Variants in MRPS28 observed in about 807,000 individuals in gnomAD.
MRPS28 encodes mitochondrial ribosomal protein S28.
A neutral mutation model predicts 10.8 loss-of-function variants in MRPS28; 7 were observed. The ratio of observed to expected loss-of-function variants is 0.65; its 90% CI spans 0.37 to 1.22. The LOEUF is 1.22. Ranked by LOEUF, MRPS28 falls within the 50% of genes most tolerant of loss-of-function variation. MRPS28 has a pLI of 0.02. For missense variants in MRPS28, 265 were observed against 232.9 expected, an observed-to-expected ratio of 1.14 and a Z score of -0.90; for synonymous variants, 121 against 93.3, an observed-to-expected ratio of 1.30 and a Z score of -1.71.
chr8:79,993,668 C>A (rs1475882279), intron 2 of MRPS28, among the ~76,000 whole-genome samples: 1 of 152,138 alleles, frequency 6.6e-6, no homozygotes, highest in Non-Finnish European at 1.5e-5. Context: ...CTGAAGAGAT[C>A]TGTTAAAGAA....
intron 2 of MRPS28, among the ~76,000 whole-genome samples, chr8:79,978,337 A>AT (rs33952224): frequency 6.6e-6 from 1 of 151,362 alleles, no homozygotes; most frequent in Non-Finnish European, 1.5e-5. Context: ...TGACAGTTGT[A>AT]TTTTTTTTTT....
chr8:79,942,380 CTCAAGATGGCTGTT>C (rs1416603435), intron 2 of MRPS28, among the ~76,000 whole-genome samples: 1 of 152,108 alleles, frequency 6.6e-6, no homozygotes, highest in African/African-American at 2.4e-5. Flanking sequence ...TTATATCTAC[CTCAAGATGGCTGTT>C]TCAAGAACTA....
intron 2 of MRPS28, among the ~76,000 whole-genome samples, chr8:79,977,342 A>C (rs1168684636): frequency 6.6e-6 from 1 of 152,166 alleles, no homozygotes; most frequent in African/African-American, 2.4e-5. Flanking sequence ...AATAATAATA[A>C]CAGAAATATC....
chr8:80,012,945 C>T (rs1809093577), intron 1 of MRPS28, among the ~76,000 whole-genome samples: 1 of 152,162 alleles, frequency 6.6e-6, no homozygotes, highest in African/African-American at 2.4e-5. Context: ...ATCCAACTAC[C>T]TCAAGTTTTA....
At chr8:79,925,919 C>T (rs1394927606) in intron 2 of MRPS28, among the ~76,000 whole-genome samples, 1 of 149,380 alleles carries the variant, frequency 6.7e-6, no homozygotes, top group East Asian at 2.0e-4. Flanking sequence ...CCTGGCTGGT[C>T]GAGGCTATAG....
chr8:79,939,381 T>TA (rs1806696386), intron 2 of MRPS28, among the ~76,000 whole-genome samples: 1 of 152,174 alleles, frequency 6.6e-6, no homozygotes, highest in African/African-American at 2.4e-5. Context: ...TACACCTAGT[T>TA]AGTGTTGCCT....
At chr8:79,996,077 G>C (rs1027459149) in intron 2 of MRPS28, among the ~76,000 whole-genome samples, 1 of 151,930 alleles carries the variant, frequency 6.6e-6, no homozygotes, top group Admixed American at 6.6e-5. Context: ...ACAAAAAAAG[G>C]TTCAACTATT....
intron 2 of MRPS28, among the ~76,000 whole-genome samples, chr8:79,921,634 T>C (rs1315978970): frequency 7.2e-5 from 11 of 152,308 alleles, no homozygotes; most frequent in Non-Finnish European, 7.4e-5. Flanking sequence ...ATTGATTTTG[T>C]ATCCTGAGAC....
chr8:79,998,369 C>T (rs1808565505), intron 2 of MRPS28, among the ~76,000 whole-genome samples: 2 of 152,094 alleles, frequency 1.3e-5, no homozygotes, highest in African/African-American at 4.8e-5. Flanking sequence ...ATAATTATAA[C>T]TTTTGAGGCT....
chr8:80,004,558 A>T (rs997183085), intron 1 of MRPS28, among the ~76,000 whole-genome samples: 9 of 152,336 alleles, frequency 5.9e-5, no homozygotes, highest in Middle Eastern at 6.8e-3. Flanking sequence ...GAAAAGCTGA[A>T]AATTCTAAAA....
intron 2 of MRPS28, among the ~76,000 whole-genome samples, chr8:79,940,836 C>T (rs1041884643): frequency 1.3e-5 from 2 of 152,174 alleles, no homozygotes; most frequent in Admixed American, 6.5e-5. Context: ...GTCTACAGTA[C>T]CCCTGGGGTA....
chr8:80,024,641 T>C (rs1809453535), intron 1 of MRPS28, among the ~76,000 whole-genome samples: 2 of 152,240 alleles, frequency 1.3e-5, no homozygotes, highest in South Asian at 2.1e-4. Context: ...TTAAGTCTAA[T>C]AATAGGCCAT....
At chr8:79,981,280 T>C (rs1356390378) in intron 2 of MRPS28, among the ~76,000 whole-genome samples, 1 of 152,124 alleles carries the variant, frequency 6.6e-6, no homozygotes, top group Admixed American at 6.5e-5. Context: ...TGGTGAGCTG[T>C]GATCACTGCA....
At chr8:80,015,611 A>C (rs1809174592) in intron 1 of MRPS28, among the ~76,000 whole-genome samples, 1 of 152,156 alleles carries the variant, frequency 6.6e-6, no homozygotes, top group African/African-American at 2.4e-5. Flanking sequence ...CATTCCTTTT[A>C]CCCAATACAT....
intron 2 of MRPS28, among the ~76,000 whole-genome samples, chr8:79,989,935 C>A (rs1459891730): frequency 2.0e-5 from 3 of 152,132 alleles, no homozygotes; most frequent in Non-Finnish European, 4.4e-5. Context: ...GGGTGGATCA[C>A]CTGAGCTCAA....
At chr8:80,007,952 C>G (rs1381022081) in intron 1 of MRPS28, among the ~76,000 whole-genome samples, 2 of 152,138 alleles carry the variant, frequency 1.3e-5, no homozygotes, top group African/African-American at 2.4e-5. Context: ...CAAAAAAGAG[C>G]CCGCATTGCC....
intron 1 of MRPS28, among the ~76,000 whole-genome samples, chr8:80,026,745 TA>T (rs1336716521): frequency 2.0e-5 from 3 of 152,010 alleles, no homozygotes; most frequent in South Asian, 2.1e-4. Context: ...CATTTGGGAT[TA>T]AAAAAAATGG....
chr8:79,950,663 A>T (rs1264914628), intron 2 of MRPS28, among the ~76,000 whole-genome samples: 1 of 152,240 alleles, frequency 6.6e-6, no homozygotes, highest in African/African-American at 2.4e-5. Context: ...AGCTAATTTA[A>T]TGAATAAATG....
intron 2 of MRPS28, among the ~76,000 whole-genome samples, chr8:79,959,580 T>A (rs1807316293): frequency 6.6e-6 from 1 of 152,090 alleles, no homozygotes. Context: ...TTATCTGAAA[T>A]ATAATTTTAC....
Sources: gnomAD v4.1 joint callset for allele counts (sites outside exome capture counted in the v4.1 genomes callset) on GRCh38, gnomAD v4.1.1 for gene constraint, MANE v1.5 for transcripts, NCBI Gene and HGNC (gene_info 2026-07-23, HGNC 2026-07-21) for gene names.